Variants in LRRC28 observed in about 807,000 individuals in gnomAD.
The protein encoded by LRRC28 is leucine rich repeat containing 28, also known as leucine-rich repeat-containing protein 28.
A neutral mutation model predicts 45.7 loss-of-function variants in LRRC28; 39 were observed. The observed-to-expected ratio is 0.85, with a 90% CI of 0.66 to 1.12. The LOEUF (loss-of-function observed/expected upper bound fraction) is 1.12. Ranked by LOEUF, LRRC28 falls within the 50% of genes most tolerant of loss-of-function variation. LRRC28 has a pLI of 0.00. For missense variants in LRRC28, 435 were observed against 438.5 expected (o/e 0.99, Z 0.07); for synonymous variants, 206 against 178.8 (o/e 1.15, Z -1.22).
chr15:99,298,794 C>G (rs895460309), intron 5 of LRRC28, among the ~76,000 whole-genome samples: 1 of 151,660 alleles, frequency 6.6e-6, no homozygotes, highest in Non-Finnish European at 1.5e-5. Context: ...CTGCAACCTT[C>G]TCCTCCTGGG....
At chr15:99,321,237 A>C (rs1350905507) in intron 5 of LRRC28, among the ~76,000 whole-genome samples, 1 of 152,134 alleles carries the variant, frequency 6.6e-6, no homozygotes, top group Non-Finnish European at 1.5e-5. Context: ...ATATCATTGG[A>C]TTGGTTTTGC....
intron 2 of LRRC28, among the ~76,000 whole-genome samples, chr15:99,264,227 T>C (rs2081275732): frequency 6.6e-6 from 1 of 152,160 alleles, no homozygotes; most frequent in Non-Finnish European, 1.5e-5. Flanking sequence ...TAAACTTTCT[T>C]AGACAAGGTA....
intron 9 of LRRC28, among the ~76,000 whole-genome samples, chr15:99,379,398 A>G (rs1205485909): frequency 6.6e-6 from 1 of 152,024 alleles, no homozygotes; most frequent in Non-Finnish European, 1.5e-5. Flanking sequence ...CCCCTTTATC[A>G]TTTTTTATTG....
At chr15:99,332,145 T>C (rs1384921492) in intron 5 of LRRC28, 2 of 152,220 alleles carry the variant, frequency 1.3e-5, no homozygotes, top group African/African-American at 4.8e-5. Flanking sequence ...TGATTCTTCC[T>C]CATATTTTAT....
At chr15:99,300,297 G>A (rs2082363724) in intron 5 of LRRC28, among the ~76,000 whole-genome samples, 1 of 151,630 alleles carries the variant, frequency 6.6e-6, no homozygotes, top group East Asian at 1.9e-4. Context: ...AGATATATAT[G>A]GATGTTTATA....
At chr15:99,384,527 G>A (rs1567717305) in intron 9 of LRRC28, 1 of 152,154 alleles carries the variant, frequency 6.6e-6, no homozygotes, top group African/African-American at 2.4e-5. Context: ...AAAACTTTCT[G>A]ATTCTCTGTC....
intron 5 of LRRC28, chr15:99,326,578 ACT>A (rs1955985520): frequency 6.7e-6 from 1 of 149,476 alleles, no homozygotes; most frequent in South Asian, 2.1e-4. Context: ...GATGCTGCTG[ACT>A]CTTTTGTGGT....
At chr15:99,253,274 C>T (rs1597132560) in intron 1 of LRRC28, among the ~76,000 whole-genome samples, 1 of 152,130 alleles carries the variant, frequency 6.6e-6, no homozygotes, top group Admixed American at 6.5e-5. Context: ...GCGCCCGCCA[C>T]CAAACCCAGC....
intron 5 of LRRC28, among the ~76,000 whole-genome samples, chr15:99,318,070 G>A (rs1955659810): frequency 6.6e-6 from 1 of 152,078 alleles, no homozygotes; most frequent in African/African-American, 2.4e-5. Context: ...ACGTTTTTAT[G>A]TGTTCTCATT....
At chr15:99,293,633 A>AAAAAAAAAAAAAAAC (rs2082191381) in intron 5 of LRRC28, among the ~76,000 whole-genome samples, 1 of 139,512 alleles carries the variant, frequency 7.2e-6, no homozygotes, top group Non-Finnish European at 1.5e-5. Context: ...AAAAAAAAAA[A>AAAAAAAAAAAAAAAC]CCTAAACAAT....
chr15:99,340,319 C>A (rs1288521590), intron 6 of LRRC28, among the ~76,000 whole-genome samples: 8 of 152,334 alleles, frequency 5.3e-5, no homozygotes, highest in Middle Eastern at 3.4e-3. Flanking sequence ...AATCCCTTCT[C>A]TTTTTGTAAA....
At chr15:99,327,155 A>C (rs190388037) in intron 5 of LRRC28, among the ~76,000 whole-genome samples, 2 of 151,940 alleles carry the variant, frequency 1.3e-5, no homozygotes, top group Non-Finnish European at 2.9e-5. Flanking sequence ...GCTCATGGCA[A>C]CCTCCACCCC....
Position 99,348,140 on chromosome 15 carries a change from G to A in LRRC28, c.593-4229G>A, listed in dbSNP as rs192876992. 1.2e-3 allele frequency among the ~76,000 whole-genome samples: 183 copies of A among 152,146 alleles called. 1 individual carries two copies. Among genetic ancestry groups the A allele is most frequent in the Non-Finnish European group, 2.1e-3 (141 of 67,984 alleles). On this transcript the variant is annotated intron_variant, in intron 6 of 9. Transcript: ENST00000301981. The stretch of plus-strand genomic sequence containing the variant: ...AATTGAGTTGTTTTTCTGCTATTAC[G>A]TTATAAGAGTTCTTTATAAATTTTG...
intron 3 of LRRC28, chr15:99,286,620 G>A (rs1299971137): frequency 6.6e-6 from 1 of 152,292 alleles, no homozygotes; most frequent in Non-Finnish European, 1.5e-5. Context: ...GTGTGCTAAA[G>A]ACACTGTAGT....
intron 5 of LRRC28, among the ~76,000 whole-genome samples, chr15:99,321,643 C>A (rs1034337172): frequency 2.0e-5 from 3 of 152,072 alleles, no homozygotes; most frequent in African/African-American, 7.2e-5. Context: ...TGCTAAGCAA[C>A]AAATCTGAAT....
intron 6 of LRRC28, among the ~76,000 whole-genome samples, chr15:99,349,952 A>C (rs1225931997): frequency 6.6e-6 from 1 of 151,578 alleles, no homozygotes; most frequent in African/African-American, 2.4e-5. Flanking sequence ...CTGGCTAACA[A>C]GGTGAAACCC....
Position 99,333,985 on chromosome 15 carries a change from C to A in LRRC28, c.448C>A (p.Pro150Thr), listed in dbSNP as rs769623960. 1 of 1,614,130 alleles carries A rather than the reference C, an allele frequency of 6.2e-7. No homozygotes were observed. The highest frequency in any genetic ancestry group is 1.7e-5 in the Admixed American group (1 of 59,996). ...TTCTACCAATCGTTTGCTAACTTTA[C>A]CCGAGAGGCTTCACATGTGCCTTTC... ...DISTNRLLTL[P>T]ERLHMCLSLQ... Residue 150 changes from proline (P) to threonine (T), a missense_variant, in exon 6 of 10, where the codon CCC becomes ACC. Coordinates refer to ENST00000301981, the MANE Select transcript of LRRC28 (RefSeq NM_144598.5).
intron 9 of LRRC28, among the ~76,000 whole-genome samples, chr15:99,383,729 G>A (rs1185261223): frequency 6.6e-6 from 1 of 152,136 alleles, no homozygotes; most frequent in Non-Finnish European, 1.5e-5. Context: ...TTTAGGCTTA[G>A]GGAAGAAAAA....
At chr15:99,264,728 CCTTTT>C (rs201118392) in intron 2 of LRRC28, among the ~76,000 whole-genome samples, 1,634 of 152,250 alleles carry the variant, frequency 0.011, 15 homozygotes, top group Non-Finnish European at 0.016. Flanking sequence ...TCTATTCTTC[CCTTTT>C]CTTTTCTTTT....
Sources: allele counts gnomAD v4.1 joint callset (sites outside exome capture counted in the v4.1 genomes callset), GRCh38; gene constraint gnomAD v4.1.1; transcripts MANE v1.5; gene names NCBI Gene and HGNC (gene_info 2026-07-23, HGNC 2026-07-21).